The following GPRIN3 variants were observed in gnomAD, a reference collection of about 807,000 sequenced individuals.
GPRIN3 encodes GPRIN family member 3.
Under a neutral mutation model 13.7 loss-of-function variants are expected in GPRIN3, and 12 were observed. The ratio of observed to expected loss-of-function variants is 0.87; its 90% CI spans 0.56 to 1.42. The LOEUF is 1.42. Among genes scored for constraint, GPRIN3 ranks in the 40% most tolerant of loss-of-function variants. The probability of loss-of-function intolerance (pLI) is 0.00; values close to 1 mark genes in which losing one functional copy is unlikely to be tolerated. For missense variants in GPRIN3, 1,009 were observed against 958.7 expected (o/e 1.05, Z -0.69); for synonymous variants, 377 against 372.7 (o/e 1.01, Z -0.13).
chr4:89,242,408 A>C lies in GPRIN3; in HGVS notation c.*5372T>G, dbSNP rs890353253. 2 of 152,198 alleles carry C rather than the reference A, an allele frequency of 1.3e-5. No homozygotes were observed. Among genetic ancestry groups the C allele is most frequent in the African/African-American group, 2.4e-5 (1 of 41,452 alleles). 9.4% of individuals were successfully genotyped at this position (152,198 alleles called of 1,614,324 possible). On this transcript the variant is annotated 3_prime_UTR_variant, in exon 2 of 2. Transcript: ENST00000609438. ...CTAGTGTCCAGAAAGAGTAATTACC[A>C]TAAGTTTAAAGTCTCCATTTCAACA...
intron 1 of GPRIN3, among the ~76,000 whole-genome samples, chr4:89,269,660 C>T (rs1025450020): frequency 6.6e-6 from 1 of 152,098 alleles, no homozygotes; most frequent in Non-Finnish European, 1.5e-5. Context: ...ACCTTATTCT[C>T]CTATACAAGA....
At chr4:89,271,000 G>A (rs1309742905) in intron 1 of GPRIN3, among the ~76,000 whole-genome samples, 1 of 152,112 alleles carries the variant, frequency 6.6e-6, no homozygotes, top group Non-Finnish European at 1.5e-5. Context: ...GATCTGACTA[G>A]TGTTTTGAAT....
chr4:89,250,274 C>T, intron 1 of GPRIN3, 41 bp from the exon 2 acceptor site: 3 of 1,331,642 alleles, frequency 2.3e-6, no homozygotes, highest in Non-Finnish European at 2.9e-6. Flanking sequence ...CAGTACGTCG[C>T]TTAAGGATTG....
chr4:89,298,865 A>G (rs1345928661), intron 1 of GPRIN3, among the ~76,000 whole-genome samples: 3 of 151,870 alleles, frequency 2.0e-5, no homozygotes, highest in Non-Finnish European at 4.4e-5. Context: ...CATGCTCTCA[A>G]TCCAGTCCAG....
intron 1 of GPRIN3, chr4:89,251,035 T>C (rs1219246207): frequency 2.6e-5 from 4 of 151,836 alleles, no homozygotes; most frequent in East Asian, 3.9e-4. Context: ...AAATACAAGA[T>C]TTTGGGGGAA....
At position 89,247,798 on chromosome 4, in the gene GPRIN3, C is replaced by A. The variant is rs775857381; in HGVS notation, c.2313G>T (p.Pro771=). Residue 771 remains proline (P), a synonymous_variant, in exon 2 of 2, where the codon CCG becomes CCT. Coordinates refer to ENST00000609438, the MANE Select transcript of GPRIN3 (RefSeq NM_198281.3). ...CTCCCTTTCAATCTAACACAGAAGA[C>A]GGGGCAGGACGGACGCAGCAGTTGG... ...RRPNCCVRPA[P]SSVLD 6.2e-7 allele frequency: 1 copy of A among 1,609,672 alleles called. No individual in the cohort carries two copies. The highest frequency in any genetic ancestry group is 1.1e-5 in the South Asian group (1 of 90,746).
At chr4:89,283,615 T>G (rs577977454) in intron 1 of GPRIN3, among the ~76,000 whole-genome samples, 1 of 152,156 alleles carries the variant, frequency 6.6e-6, no homozygotes, top group African/African-American at 2.4e-5. Flanking sequence ...TTGGTAGAGC[T>G]CGGCATAGGG....
intron 1 of GPRIN3, among the ~76,000 whole-genome samples, chr4:89,252,865 T>C (rs1159681938): frequency 6.6e-6 from 1 of 152,166 alleles, no homozygotes; most frequent in Non-Finnish European, 1.5e-5. Context: ...CACTCTGTTT[T>C]GCATTTGTGT....
Position 89,236,815 on chromosome 4 carries a change from G to A in GPRIN3, c.*10965C>T, listed in dbSNP as rs1208553533. On this transcript the variant is annotated 3_prime_UTR_variant, in exon 2 of 2. Coordinates refer to ENST00000609438, the MANE Select transcript of GPRIN3 (RefSeq NM_198281.3). Reference sequence around the variant, plus strand: ...CAAGTATCTGTGCCATTGACAAATTGTAAAACTGTGCATGTATACATTATA... The same window carrying A: ...CAAGTATCTGTGCCATTGACAAATTATAAAACTGTGCATGTATACATTATA... 1 of 152,132 alleles carries A rather than the reference G, an allele frequency of 6.6e-6. No individual in the cohort carries two copies. Among genetic ancestry groups the A allele is most frequent in the Non-Finnish European group, 1.5e-5 (1 of 68,044 alleles). 9.4% of individuals were successfully genotyped at this position (152,132 alleles called of 1,614,324 possible). A position where few individuals can be genotyped will look rare whatever the true frequency, so the allele number is the denominator to read the frequency against.
chr4:89,278,775 G>A (rs1424658631), intron 1 of GPRIN3, among the ~76,000 whole-genome samples: 1 of 152,066 alleles, frequency 6.6e-6, no homozygotes, highest in East Asian at 1.9e-4. Context: ...TGCAGTTAGG[G>A]TATGTCTAAA....
chr4:89,249,583 G>T lies in GPRIN3; in HGVS notation c.528C>A (p.Gly176=), dbSNP rs182919972. 4 of 1,614,002 alleles carry T rather than the reference G, an allele frequency of 2.5e-6. No individual in the cohort carries two copies. Among genetic ancestry groups the T allele is most frequent in the Non-Finnish European group, 3.4e-6 (4 of 1,180,008 alleles). The part of the protein sequence containing the change: ...QPEKPSCPVG[G]VLSSSKDQVS... ...CCTGATCTTTGCTGCTACTGAGGAC[G>T]CCTCCCACAGGACAACTTGGTTTCT... Residue 176 remains glycine (G), a synonymous_variant, in exon 2 of 2, where the codon GGC becomes GGA. Transcript: ENST00000609438.
rs1723110213 is a variant in GPRIN3 at position 89,246,674 on chromosome 4, T to C, written c.*1106A>G. On this transcript the variant is annotated 3_prime_UTR_variant, in exon 2 of 2. Transcript: ENST00000609438. ...GATGATAGTAGTCTATGTACAAAAA[T>C]TGTAAGGAAGCTCACATTCTAATTT... 1.3e-5 allele frequency: 2 copies of C among 152,184 alleles called. No individual in the cohort carries two copies. The highest frequency in any genetic ancestry group is 2.9e-5 in the Non-Finnish European group (2 of 68,018). 9.4% of individuals were successfully genotyped at this position (152,184 alleles called of 1,614,324 possible). A position where few individuals can be genotyped will look rare whatever the true frequency, so the allele number is the denominator to read the frequency against.
intron 1 of GPRIN3, among the ~76,000 whole-genome samples, chr4:89,270,740 G>C (rs1431041443): frequency 6.6e-6 from 1 of 151,316 alleles, no homozygotes; most frequent in Non-Finnish European, 1.5e-5. Flanking sequence ...GGTTTCACCA[G>C]GTTGCCCAGG....
At position 89,242,925 on chromosome 4, in the gene GPRIN3, T is replaced by C. The variant is rs1207523864; in HGVS notation, c.*4855A>G. On this transcript the variant is annotated 3_prime_UTR_variant, in exon 2 of 2. Coordinates refer to ENST00000609438, the MANE Select transcript of GPRIN3 (RefSeq NM_198281.3). ...CGTTTACTTACCTAACAGCCAAAAA[T>C]AATGTTTCAGGATTGTTTGTTGCTG... is the stretch of plus-strand genomic sequence containing the variant. The C allele has an allele frequency of 6.6e-6, 1 of 152,202 alleles. No homozygotes were observed. Among genetic ancestry groups the C allele is most frequent in the Non-Finnish European group, 1.5e-5 (1 of 68,028 alleles). The allele number at this position is 152,202 out of a possible 1,614,324, so 9.4% of individuals were successfully genotyped here. A position where few individuals can be genotyped will look rare whatever the true frequency, so the allele number is the denominator to read the frequency against.
At chr4:89,299,425 G>C (rs1017121578) in intron 1 of GPRIN3, among the ~76,000 whole-genome samples, 1 of 152,106 alleles carries the variant, frequency 6.6e-6, no homozygotes, top group Admixed American at 6.6e-5. Flanking sequence ...AGGAGAAGTT[G>C]ACAAGGCATG....
intron 1 of GPRIN3, among the ~76,000 whole-genome samples, chr4:89,307,297 A>C (rs796282151): frequency 1.6e-4 from 23 of 142,264 alleles, no homozygotes; most frequent in East Asian, 6.2e-4. Flanking sequence ...ACACACACAC[A>C]CCCCTCATAT....
chr4:89,286,437 C>T (rs896596508), intron 1 of GPRIN3, among the ~76,000 whole-genome samples: 1 of 152,104 alleles, frequency 6.6e-6, no homozygotes, highest in Non-Finnish European at 1.5e-5. Context: ...GTTTGTCTTT[C>T]GCTGGTGCTT....
At chr4:89,281,874 T>C (rs1188107900) in intron 1 of GPRIN3, among the ~76,000 whole-genome samples, 8 of 152,134 alleles carry the variant, frequency 5.3e-5, no homozygotes, top group Non-Finnish European at 1.5e-5. Context: ...TTCCCATCCC[T>C]AAACCATTCC....
At chr4:89,254,152 GA>G (rs1578077275) in intron 1 of GPRIN3, among the ~76,000 whole-genome samples, 1 of 57,560 alleles carries the variant, frequency 1.7e-5, no homozygotes, top group Non-Finnish European at 3.9e-5. Context: ...TGTGTGTGTG[GA>G]GTGTGTGTCC....
Sources: allele counts gnomAD v4.1 joint callset (sites outside exome capture counted in the v4.1 genomes callset), GRCh38; gene constraint gnomAD v4.1.1; transcripts MANE v1.5; gene names NCBI Gene and HGNC (gene_info 2026-07-23, HGNC 2026-07-21).